Variants in NTRK3 observed in about 807,000 individuals in gnomAD.
The protein encoded by NTRK3 is neurotrophic receptor tyrosine kinase 3.
In NTRK3, 24 loss-of-function variants were observed where a neutral mutation model predicts 91.7. That is an observed-to-expected ratio of 0.26 (90% CI 0.19 to 0.37). The LOEUF is 0.37. Ranked by LOEUF, NTRK3 falls within the 10% of genes least tolerant of loss-of-function variation. NTRK3 has a pLI of 1.00. For synonymous variants in NTRK3, 483 were observed against 404.0 expected, an observed-to-expected ratio of 1.20 and a Z score of -2.34; for missense variants, 880 against 1,068.9, an observed-to-expected ratio of 0.82 and a Z score of 2.46.
chr15:87,951,282 A>C (rs568267285), intron 14 of NTRK3, among the ~76,000 whole-genome samples: 1 of 152,314 alleles, frequency 6.6e-6, no homozygotes, highest in East Asian at 1.9e-4. Flanking sequence ...TAGGTGTCCT[A>C]GGACCATCTC....
Position 88,192,563 on chromosome 15 carries a change from C to T in NTRK3, c.249-8264G>A, listed in dbSNP as rs1371150777. On this transcript the variant is annotated intron_variant, in intron 3 of 18. Coordinates refer to ENST00000394480, the Ensembl canonical transcript of NTRK3. Reference sequence around the variant, plus strand: ...CAACCACTCTCTCCTGCCTAAAACCCTCCAATGGCTTCCTTTGGCTATGAC... The same window carrying T: ...CAACCACTCTCTCCTGCCTAAAACCTTCCAATGGCTTCCTTTGGCTATGAC... 2.0e-5 allele frequency among the ~76,000 whole-genome samples: 3 copies of T among 152,166 alleles called. 1 individual carries two copies. Among genetic ancestry groups the T allele is most frequent in the Non-Finnish European group, 1.5e-5 (1 of 68,026 alleles).
At chr15:88,032,992 T>C (rs556136306) in exon 14 of NTRK3, 10 of 1,609,276 alleles carry the variant, frequency 6.2e-6, no homozygotes, top group Non-Finnish European at 8.5e-6. Context: ...CCGTGGTTGA[T>C]GTGGTGCAGT....
chr15:88,199,442 A>T (rs1004792070), intron 3 of NTRK3, among the ~76,000 whole-genome samples: 3 of 152,182 alleles, frequency 2.0e-5, no homozygotes, highest in Non-Finnish European at 4.4e-5. Flanking sequence ...AAGCCCTAGT[A>T]AATGTTGCAT....
chr15:88,192,383 T>C (rs2047477303), intron 3 of NTRK3, among the ~76,000 whole-genome samples: 1 of 152,122 alleles, frequency 6.6e-6, no homozygotes. Flanking sequence ...TCTGCTTCTA[T>C]TTTTACTGCT....
intron 14 of NTRK3, among the ~76,000 whole-genome samples, chr15:87,987,790 C>A (rs1012976480): frequency 1.3e-5 from 2 of 151,768 alleles, no homozygotes; most frequent in African/African-American, 4.8e-5. Flanking sequence ...ATTACCTTTT[C>A]CTTTAAAAGT....
chr15:88,126,418 C>G (rs1334967812), intron 12 of NTRK3, 45 bp from the exon 13 acceptor site: 2 of 1,349,818 alleles, frequency 1.5e-6, no homozygotes, highest in East Asian at 4.6e-5. Context: ...TCACAGAAAA[C>G]CCAATTTCCT....
chr15:88,134,235 C>A (rs1334621887), intron 10 of NTRK3, among the ~76,000 whole-genome samples: 3 of 152,152 alleles, frequency 2.0e-5, no homozygotes, highest in African/African-American at 7.2e-5. Flanking sequence ...GCTTTATGGG[C>A]AAAACTTATC....
At chr15:88,078,293 C>T (rs115163248) in intron 13 of NTRK3, among the ~76,000 whole-genome samples, 15 of 152,008 alleles carry the variant, frequency 9.9e-5, no homozygotes, top group African/African-American at 3.4e-4. Context: ...TCCTTATTGG[C>T]GAAGAAGCAC....
intron 10 of NTRK3, among the ~76,000 whole-genome samples, chr15:88,130,875 A>G (rs894507445): frequency 2.0e-5 from 3 of 151,986 alleles, no homozygotes; most frequent in Admixed American, 6.6e-5. Context: ...ACATCTGTAC[A>G]CTAGATAATA....
chr15:88,140,090 G>A (rs55872905), intron 6 of NTRK3, among the ~76,000 whole-genome samples: 21,771 of 152,172 alleles, frequency 0.14, 1,823 homozygotes, highest in Middle Eastern at 0.19. Context: ...GATAAGAGAG[G>A]ACTTTTACTG....
At chr15:88,144,741 G>C (rs1597580265) in intron 6 of NTRK3, among the ~76,000 whole-genome samples, 1 of 152,090 alleles carries the variant, frequency 6.6e-6, no homozygotes, top group African/African-American at 2.4e-5. Flanking sequence ...ATTGTTCCAA[G>C]GATAAGACAG....
intron 3 of NTRK3, among the ~76,000 whole-genome samples, chr15:88,246,855 C>A (rs1482365808): frequency 1.3e-5 from 2 of 152,192 alleles, no homozygotes; most frequent in Admixed American, 1.3e-4. Flanking sequence ...GGAGAGCTGA[C>A]CTCTCTGCTC....
At chr15:88,022,396 T>A (rs1487979379) in intron 14 of NTRK3, among the ~76,000 whole-genome samples, 1 of 152,204 alleles carries the variant, frequency 6.6e-6, no homozygotes, top group Non-Finnish European at 1.5e-5. Context: ...GACCCCTATG[T>A]ATATGTTTTA....
chr15:87,868,623 C>G (rs140854106), exon 19 of NTRK3: 9 of 220,092 alleles, frequency 4.1e-5, no homozygotes, highest in Non-Finnish European at 8.2e-5. Flanking sequence ...TGAATCTAAC[C>G]TGAAGGCCTT....
At chr15:87,992,499 G>C (rs1316533563) in intron 14 of NTRK3, among the ~76,000 whole-genome samples, 5 of 152,148 alleles carry the variant, frequency 3.3e-5, no homozygotes, top group Non-Finnish European at 7.3e-5. Flanking sequence ...AACTGTTTCA[G>C]ACGCATACAC....
At chr15:87,976,605 G>A (rs879464074) in intron 14 of NTRK3, among the ~76,000 whole-genome samples, 2 of 152,158 alleles carry the variant, frequency 1.3e-5, no homozygotes, top group African/African-American at 4.8e-5. Context: ...GTTACAGGGA[G>A]CATTTCAACT....
At chr15:88,018,642 T>C (rs966069056) in intron 14 of NTRK3, among the ~76,000 whole-genome samples, 1 of 152,180 alleles carries the variant, frequency 6.6e-6, no homozygotes, top group Admixed American at 6.5e-5. Context: ...AGTTTTGTCA[T>C]TTTCTAGCTG....
intron 13 of NTRK3, among the ~76,000 whole-genome samples, chr15:88,101,609 A>C (rs1156759218): frequency 6.6e-6 from 1 of 152,252 alleles, no homozygotes; most frequent in African/African-American, 2.4e-5. Context: ...AAAGACTTGC[A>C]ACCAACCCAA....
At chr15:88,179,445 G>A (rs2046273840) in intron 5 of NTRK3, among the ~76,000 whole-genome samples, 1 of 152,110 alleles carries the variant, frequency 6.6e-6, no homozygotes, top group Admixed American at 6.5e-5. Context: ...CCATACCCCT[G>A]CCCCAAGGAT....
Sources: allele counts gnomAD v4.1 joint callset (sites outside exome capture counted in the v4.1 genomes callset), GRCh38; gene constraint gnomAD v4.1.1; transcripts MANE v1.5; gene names NCBI Gene and HGNC (gene_info 2026-07-23, HGNC 2026-07-21).